Variants in FRMD4A observed in about 807,000 individuals in gnomAD.
FRMD4A encodes the protein FERM domain-containing protein 4A.
A neutral mutation model predicts 129.1 loss-of-function variants in FRMD4A; 29 were observed. The ratio of observed to expected loss-of-function variants is 0.22; its 90% CI spans 0.17 to 0.31. The LOEUF (loss-of-function observed/expected upper bound fraction) is 0.31, where lower values mean the gene tolerates loss of function less well. Ranked by LOEUF, FRMD4A falls within the 10% of genes least tolerant of loss-of-function variation. The pLI is 1.00. For missense variants in FRMD4A, 1,272 were observed against 1,375.8 expected, an observed-to-expected ratio of 0.92 and a Z score of 1.19; for synonymous variants, 634 against 571.6, an observed-to-expected ratio of 1.11 and a Z score of -1.56.
intron 24 of FRMD4A, chr10:13,650,981 T>TG (rs1420752643): frequency 1.3e-5 from 2 of 152,218 alleles, no homozygotes; most frequent in East Asian, 3.9e-4. Context: ...AGTGTAGCAG[T>TG]TTCTCATGCT....
At chr10:13,982,595 G>A (rs767677761) in intron 2 of FRMD4A, among the ~76,000 whole-genome samples, 2 of 152,020 alleles carry the variant, frequency 1.3e-5, no homozygotes, top group Non-Finnish European at 2.9e-5. Flanking sequence ...AGGAAGGAAC[G>A]CTGCTCAGAG....
intron 12 of FRMD4A, among the ~76,000 whole-genome samples, chr10:13,735,378 C>T (rs917584467): frequency 6.6e-6 from 1 of 152,154 alleles, no homozygotes. Context: ...AATTCATGGA[C>T]CTGGATAAGT....
rs570739185 is a variant in FRMD4A at position 13,659,479 on chromosome 10, C to T, written c.1910G>A (p.Arg637His). 18 of 1,612,428 alleles carry T rather than the reference C, an allele frequency of 1.1e-5. No individual in the cohort carries two copies. The highest frequency in any genetic ancestry group is 2.7e-5 in the African/African-American group (2 of 75,018). ...CGCACAGCTTCCTGTGCTGGGGAAG[C>T]GCTTGTGGCTGCTGCAAAGCCAAGG... The part of the protein sequence containing the change: ...SSHSHSSSHK[R>H]FPSTGSCAEA... Residue 637 changes from arginine to histidine, a missense_variant, in exon 21 of 25, where the codon CGC becomes CAC. Physicochemically the swap from Arg to His is conservative, Grantham distance 29 (BLOSUM62 0). Transcript: ENST00000357447.
chr10:13,877,196 T>C (rs1294330672), intron 2 of FRMD4A, among the ~76,000 whole-genome samples: 5 of 152,098 alleles, frequency 3.3e-5, no homozygotes, highest in Admixed American at 2.0e-4. Context: ...CACCCTTGGG[T>C]CTTTGGTGGC....
At chr10:13,777,411 T>A (rs2092621988) in intron 6 of FRMD4A, among the ~76,000 whole-genome samples, 1 of 152,140 alleles carries the variant, frequency 6.6e-6, no homozygotes, top group South Asian at 2.1e-4. Context: ...ACAGGGGGCC[T>A]TGGGATGCGA....
chr10:13,743,232 C>T (rs1270801084), intron 9 of FRMD4A, among the ~76,000 whole-genome samples: 7 of 152,134 alleles, frequency 4.6e-5, no homozygotes, highest in Non-Finnish European at 8.8e-5. Flanking sequence ...AAGGTCGTCT[C>T]CTGAAGACGA....
At chr10:14,125,601 G>A (rs1162513010) in intron 2 of FRMD4A, among the ~76,000 whole-genome samples, 1 of 152,178 alleles carries the variant, frequency 6.6e-6, no homozygotes, top group East Asian at 1.9e-4. Context: ...ACCAAAGTGT[G>A]GTTATCTGAC....
intron 16 of FRMD4A, among the ~76,000 whole-genome samples, chr10:13,672,583 G>A (rs749556798): frequency 2.0e-5 from 3 of 152,056 alleles, no homozygotes; most frequent in South Asian, 2.1e-4. Context: ...TATTTGAGTC[G>A]AAGTCTTGAT....
intron 2 of FRMD4A, among the ~76,000 whole-genome samples, chr10:14,051,800 C>T (rs897605374): frequency 1.3e-5 from 2 of 152,216 alleles, no homozygotes; most frequent in African/African-American, 4.8e-5. Context: ...CAGGAAAGGG[C>T]CCTGAGCAGG....
intron 3 of FRMD4A, among the ~76,000 whole-genome samples, chr10:13,818,490 T>G (rs11258643): frequency 0.21 from 32,669 of 152,106 alleles, 3,981 homozygotes; most frequent in South Asian, 0.33. Context: ...ATGTTATTAT[T>G]AAATTTAGCT....
intron 8 of FRMD4A, among the ~76,000 whole-genome samples, chr10:13,754,277 A>T (rs1033039957): frequency 7.6e-6 from 1 of 131,054 alleles, no homozygotes; most frequent in African/African-American, 3.0e-5. Flanking sequence ...GAATTTGAAG[A>T]ATATCATCCT....
chr10:13,802,730 T>C (rs190722067), intron 4 of FRMD4A, among the ~76,000 whole-genome samples: 360 of 152,242 alleles, frequency 2.4e-3, no homozygotes, highest in Non-Finnish European at 4.2e-3. Flanking sequence ...TACTTCAGCC[T>C]TCCAAAGTGC....
chr10:14,322,022 T>C (rs1843077314), intron 2 of FRMD4A, among the ~76,000 whole-genome samples: 1 of 152,216 alleles, frequency 6.6e-6, no homozygotes, highest in Admixed American at 6.5e-5. Flanking sequence ...ACCATGATTG[T>C]AAGTTTCCTG....
chr10:13,891,724 C>T (rs2094699188), intron 2 of FRMD4A: 1 of 984,670 alleles, frequency 1.0e-6, no homozygotes, highest in Non-Finnish European at 1.2e-6. Flanking sequence ...AGGCCCTTGG[C>T]CTACTAGGCG....
intron 6 of FRMD4A, among the ~76,000 whole-genome samples, chr10:13,774,950 GA>G (rs60193088): frequency 0.057 from 7,202 of 127,066 alleles, 412 homozygotes; most frequent in South Asian, 0.16. Flanking sequence ...AGAAATTTAA[GA>G]AAAAAAAAAA....
rs568556831 is a variant in FRMD4A, at chr10:13,811,287, T to C, written c.112-379A>G. Among the ~76,000 whole-genome samples, 56 of 144,466 alleles carry C rather than the reference T, an allele frequency of 3.9e-4. No individual in the cohort carries two copies. In the East Asian group the frequency reaches 0.01, roughly 27 times the overall value. 94.8% of individuals were successfully genotyped at this position (144,466 alleles called of 152,430 possible). ...GATTATAGGCATATGCCACCACGCATGGCTTTTTTTTTTTTTTTTGGTTTT... is the reference window on the plus strand; with the variant it reads ...GATTATAGGCATATGCCACCACGCACGGCTTTTTTTTTTTTTTTTGGTTTT... On this transcript the variant is annotated intron_variant, in intron 3 of 24. Coordinates refer to ENST00000357447, the MANE Select transcript of FRMD4A (RefSeq NM_018027.5).
At chr10:14,159,800 C>T (rs7893220) in intron 2 of FRMD4A, among the ~76,000 whole-genome samples, 2 of 152,064 alleles carry the variant, frequency 1.3e-5, no homozygotes, top group Non-Finnish European at 2.9e-5. Context: ...CTGTAATCCT[C>T]GCACTTTGGA....
chr10:14,262,714 T>C (rs1468432822), intron 2 of FRMD4A, among the ~76,000 whole-genome samples: 1 of 152,122 alleles, frequency 6.6e-6, no homozygotes, highest in Non-Finnish European at 1.5e-5. Flanking sequence ...AGACAAATTA[T>C]AAAGCTCCAG....
chr10:13,771,985 A>AT (rs1315925648), intron 6 of FRMD4A, among the ~76,000 whole-genome samples: 10 of 151,490 alleles, frequency 6.6e-5, no homozygotes, highest in Admixed American at 5.9e-4. Flanking sequence ...GTGGTGTCGC[A>AT]TGCCCATAGT....
Sources: allele counts gnomAD v4.1 joint callset (sites outside exome capture counted in the v4.1 genomes callset), GRCh38; gene constraint gnomAD v4.1.1; transcripts MANE v1.5; gene names NCBI Gene and HGNC (gene_info 2026-07-23, HGNC 2026-07-21).